ECE1: variants seen among roughly 807,000 people sequenced by gnomAD.
ECE1 encodes the protein endothelin-converting enzyme 1.
A neutral mutation model predicts 98.6 loss-of-function variants in ECE1; 35 were observed. The ratio of observed to expected loss-of-function variants is 0.35; its 90% CI spans 0.27 to 0.47. The LOEUF (loss-of-function observed/expected upper bound fraction) is 0.47, where lower values mean the gene tolerates loss of function less well. Among genes scored for constraint, ECE1 ranks in the 20% least tolerant of loss-of-function variants. ECE1 has a pLI of 1.00. For synonymous variants in ECE1, 394 were observed against 407.1 expected, an observed-to-expected ratio of 0.97 and a Z score of 0.39; for missense variants, 814 against 1,025.3, an observed-to-expected ratio of 0.79 and a Z score of 2.81.
intron 3 of ECE1, among the ~76,000 whole-genome samples, chr1:21,275,303 C>T (rs2103329129): frequency 6.6e-6 from 1 of 152,254 alleles, no homozygotes; most frequent in Non-Finnish European, 1.5e-5. Context: ...TCCCAGAAGT[C>T]AGTCTCAGAG....
chr1:21,246,423 TG>T (rs2103261909), intron 9 of ECE1, among the ~76,000 whole-genome samples: 1 of 141,272 alleles, frequency 7.1e-6, no homozygotes, highest in Admixed American at 7.5e-5. Flanking sequence ...CATTTAAACC[TG>T]GGAAGCAGAG....
chr1:21,343,260 C>T (rs564553610), intron 1 of ECE1, among the ~76,000 whole-genome samples: 1 of 152,238 alleles, frequency 6.6e-6, no homozygotes, highest in Non-Finnish European at 1.5e-5. Context: ...TCAGTCAATT[C>T]TTTCCTCCCT....
chr1:21,279,528 T>C, intron 2 of ECE1, 196 bp from the exon 3 acceptor site: 1 of 1,459,668 alleles, frequency 6.9e-7, no homozygotes, highest in Non-Finnish European at 9.1e-7. Flanking sequence ...TGCTCGGATC[T>C]GCTCCCAAAC....
At chr1:21,299,014 C>A in intron 1 of ECE1, 1 of 389,124 alleles carries the variant, frequency 2.6e-6, no homozygotes, top group Non-Finnish European at 5.2e-6. Context: ...TGTGTGATGA[C>A]CAGGCTGGGG....
At chr1:21,270,533 T>C (rs1422283383) in intron 4 of ECE1, among the ~76,000 whole-genome samples, 1 of 152,218 alleles carries the variant, frequency 6.6e-6, no homozygotes, top group Non-Finnish European at 1.5e-5. Context: ...CGGATCTCGC[T>C]TTCCTCATCT....
intron 1 of ECE1, among the ~76,000 whole-genome samples, chr1:21,320,244 C>T (rs565050300): frequency 3.3e-5 from 5 of 152,260 alleles, no homozygotes; most frequent in Admixed American, 2.0e-4. Context: ...CTCCAGGCTC[C>T]AGCCGTCAAC....
intron 2 of ECE1, among the ~76,000 whole-genome samples, chr1:21,284,046 G>C (rs1021685421): frequency 5.9e-5 from 9 of 152,184 alleles, no homozygotes; most frequent in African/African-American, 2.2e-4. Context: ...GCCAATTCCT[G>C]GGTGCAATGG....
At chr1:21,281,942 G>A (rs1239542482) in intron 2 of ECE1, among the ~76,000 whole-genome samples, 1 of 152,072 alleles carries the variant, frequency 6.6e-6, no homozygotes, top group Non-Finnish European at 1.5e-5. Flanking sequence ...TGATCCACCC[G>A]CCTCAGCCTC....
At chr1:21,325,229 C>T (rs1639053265) in intron 1 of ECE1, among the ~76,000 whole-genome samples, 1 of 152,170 alleles carries the variant, frequency 6.6e-6, no homozygotes, top group African/African-American at 2.4e-5. Flanking sequence ...TACCTGATGG[C>T]TTGTTTCTGC....
intron 1 of ECE1, among the ~76,000 whole-genome samples, chr1:21,313,289 C>T (rs913768556): frequency 1.3e-5 from 2 of 152,202 alleles, no homozygotes; most frequent in African/African-American, 2.4e-5. Flanking sequence ...ACAAGCCCAC[C>T]CCAGGCTCAG....
intron 6 of ECE1, among the ~76,000 whole-genome samples, 184 bp from the exon 7 acceptor site, chr1:21,257,774 C>T (rs1233358322): frequency 2.7e-5 from 4 of 147,950 alleles, no homozygotes; most frequent in Non-Finnish European, 6.1e-5. Context: ...ACATTCCTGC[C>T]TGTCCACGTG....
chr1:21,281,083 G>A (rs931000370), intron 2 of ECE1, among the ~76,000 whole-genome samples: 7 of 152,106 alleles, frequency 4.6e-5, no homozygotes, highest in African/African-American at 1.7e-4. Context: ...CCAGCTACTC[G>A]GGAGGCTGAG....
At chr1:21,228,087 C>T in intron 14 of ECE1, 46 bp from the exon 15 acceptor site, 1 of 1,465,070 alleles carries the variant, frequency 6.8e-7, no homozygotes, top group Non-Finnish European at 9.3e-7. Context: ...GGGCGGGAGG[C>T]AGGTGGGGAC....
At chr1:21,292,492 C>T (rs1638224168), upstream of ECE1, among the ~76,000 whole-genome samples, 1 of 152,234 alleles carries the variant, frequency 6.6e-6, no homozygotes, top group Non-Finnish European at 1.5e-5. Flanking sequence ...AGCAGTCCCC[C>T]AAATTCTCTG....
upstream of ECE1, among the ~76,000 whole-genome samples, chr1:21,292,253 C>G (rs1376620441): frequency 6.6e-6 from 1 of 152,180 alleles, no homozygotes; most frequent in African/African-American, 2.4e-5. Context: ...TTCACCAGGC[C>G]CCATGGCCCC....
At chr1:21,306,525 C>T (rs1029144707) in intron 1 of ECE1, among the ~76,000 whole-genome samples, 11 of 151,968 alleles carry the variant, frequency 7.2e-5, no homozygotes, top group African/African-American at 2.7e-4. Context: ...TTAGTAGGGA[C>T]GGCGTTTCAC....
intron 3 of ECE1, 74 bp downstream of exon 3, chr1:21,279,117 G>A: frequency 1.9e-6 from 3 of 1,612,196 alleles, no homozygotes; most frequent in Non-Finnish European, 8.5e-7. Flanking sequence ...AAGCAGGGAA[G>A]CCCCCCTCGC....
Position 21,225,863 on chromosome 1 carries a change from G to GTT in ECE1, c.1850-425_1850-424dup, listed in dbSNP as rs372759084. On this transcript the variant is annotated intron_variant, in intron 16 of 18. Coordinates refer to ENST00000374893, the MANE Select transcript of ECE1 (RefSeq NM_001397.3). This position sits in a 1 kb window ranked among gnomAD's most constrained non-coding sequence, Gnocchi z 5.3. ...ATGCCGCCATGCCTAGCTGATTTCT[G>GTT]TTTTTTTTTTTAGTAGAGATGGGGT... is the stretch of plus-strand genomic sequence containing the variant. Among the ~76,000 whole-genome samples, 3 of 145,344 alleles carry GTT rather than the reference G, an allele frequency of 2.1e-5. No homozygotes were observed. The highest frequency in any genetic ancestry group is 2.2e-4 in the South Asian group (1 of 4,560).
chr1:21,338,558 T>A (rs538216679), intron 1 of ECE1, among the ~76,000 whole-genome samples: 1 of 152,354 alleles, frequency 6.6e-6, no homozygotes, highest in Admixed American at 6.5e-5. Flanking sequence ...ACTTCGAGTC[T>A]ATCCTCTGAA....
Sources: allele counts gnomAD v4.1 joint callset (sites outside exome capture counted in the v4.1 genomes callset), GRCh38; gene constraint gnomAD v4.1.1; non-coding constraint Gnocchi (gnomAD v3.1); transcripts MANE v1.5; gene names NCBI Gene and HGNC (gene_info 2026-07-23, HGNC 2026-07-21).